The following NIPSNAP3B variants were observed in gnomAD, a reference collection of about 807,000 sequenced individuals.
NIPSNAP3B encodes the protein nipsnap homolog 3B.
In NIPSNAP3B, 30 loss-of-function variants were observed where a neutral mutation model predicts 31.5. That is an observed-to-expected ratio of 0.95 (90% confidence interval 0.71 to 1.29). The LOEUF (loss-of-function observed/expected upper bound fraction) is 1.29, where lower values mean the gene tolerates loss of function less well. NIPSNAP3B is among the 50% of genes most tolerant of loss of function. The pLI is 0.00. For missense variants in NIPSNAP3B, 269 were observed against 300.7 expected, an observed-to-expected ratio of 0.89 and a Z score of 0.78; for synonymous variants, 106 against 107.9, an observed-to-expected ratio of 0.98 and a Z score of 0.11.
rs1232014975 is a variant in NIPSNAP3B at position 104,776,270 on chromosome 9, A to G, written c.*3197A>G. On this transcript the variant is annotated 3_prime_UTR_variant, in exon 6 of 6. Transcript: ENST00000374762. ...CTGGAATGCTCTTCCCCAGACATGC[A>G]TCTGCGTGGATCATTTCCATGCCTC... Among the ~76,000 whole-genome samples, 14 of 152,160 alleles carry G rather than the reference A, an allele frequency of 9.2e-5. No individual in the cohort carries two copies. Among genetic ancestry groups the G allele is most frequent in the Admixed American group, 8.5e-4 (13 of 15,280 alleles).
intron 1 of NIPSNAP3B, among the ~76,000 whole-genome samples, chr9:104,765,405 G>A (rs1341729973): frequency 3.3e-5 from 5 of 152,166 alleles, no homozygotes; most frequent in South Asian, 2.1e-4. Context: ...GTGTATACAC[G>A]TGTGTTTACA....
the NIPSNAP3B span, among the ~76,000 whole-genome samples, chr9:104,790,397 G>A: frequency 6.6e-6 from 1 of 152,232 alleles, no homozygotes; most frequent in African/African-American, 2.4e-5. Context: ...TAAATTATAG[G>A]TACATGTACA....
At chr9:104,779,507 G>C (rs958245185), downstream of NIPSNAP3B, among the ~76,000 whole-genome samples, 1 of 152,058 alleles carries the variant, frequency 6.6e-6, no homozygotes, top group African/African-American at 2.4e-5. Flanking sequence ...CTTATCCACT[G>C]AGCTGTAATT....
chr9:104,771,788 T>C (rs1251084236), intron 4 of NIPSNAP3B, among the ~76,000 whole-genome samples: 1 of 152,196 alleles, frequency 6.6e-6, no homozygotes, highest in African/African-American at 2.4e-5. Context: ...CTTTTAGCTC[T>C]TTGAGGAATC....
At chr9:104,778,355 C>G (rs1339051993), downstream of NIPSNAP3B, among the ~76,000 whole-genome samples, 4 of 152,074 alleles carry the variant, frequency 2.6e-5, no homozygotes, top group Non-Finnish European at 5.9e-5. Flanking sequence ...CTCAGCCTCC[C>G]AAGTAGCTTG....
chr9:104,766,121 C>G (rs1828085210), intron 1 of NIPSNAP3B, among the ~76,000 whole-genome samples: 1 of 152,170 alleles, frequency 6.6e-6, no homozygotes, highest in South Asian at 2.1e-4. Flanking sequence ...TGCTAGGAAA[C>G]AGTTGCTATA....
chr9:104,786,453 C>G, the NIPSNAP3B span: 3 of 1,392,812 alleles, frequency 2.2e-6, no homozygotes, highest in Non-Finnish European at 3.1e-6. Context: ...GAGAACATCA[C>G]CATGACTTCC....
At chr9:104,779,677 T>C (rs1173636429), downstream of NIPSNAP3B, among the ~76,000 whole-genome samples, 1 of 152,154 alleles carries the variant, frequency 6.6e-6, no homozygotes, top group East Asian at 1.9e-4. Flanking sequence ...GCCAAGTTTT[T>C]TGAATCTGGA....
At position 104,764,263 on chromosome 9, in the gene NIPSNAP3B, T is replaced by C; in HGVS notation, c.23T>C (p.Leu8Pro). The C allele has an allele frequency of 6.2e-7, 1 of 1,600,102 alleles. No individual in the cohort carries two copies. Among genetic ancestry groups the C allele is most frequent in the Non-Finnish European group, 8.5e-7 (1 of 1,175,286 alleles). Reference protein sequence around the residue: MLVLRSGLTKALASRTLA... With the variant: MLVLRSGPTKALASRTLA... ...GCCATGCTCGTTCTCAGAAGCGGCCTGACCAAGGCGCTTGCCTCACGGACG... is the reference window on the plus strand; with the variant it reads ...GCCATGCTCGTTCTCAGAAGCGGCCCGACCAAGGCGCTTGCCTCACGGACG... Residue 8 changes from leucine (L) to proline (P), a missense_variant, in exon 1 of 6, where the codon CTG becomes CCG. Leu to Pro is a moderately conservative substitution (Grantham distance 98). Transcript: ENST00000374762.
chr9:104,772,720 T>C, intron 4 of NIPSNAP3B, 102 bp from the exon 5 acceptor site: 1 of 1,380,554 alleles, frequency 7.2e-7, no homozygotes, highest in Non-Finnish European at 1.0e-6. Context: ...ACCTTTTGAT[T>C]TTGATTTAAA....
chr9:104,764,366 G>C lies in NIPSNAP3B; in HGVS notation c.60+66G>C, dbSNP rs572911098. ...GAGGGGAGGGGCGGGGGGTATTTCT[G>C]AAGCGTGCGAGCCACGCTCAGGCGC... On this transcript the variant is annotated intron_variant, in intron 1 of 5. Transcript: ENST00000374762. The C allele has an allele frequency of 1.1e-3, 1,495 of 1,369,134 alleles. 14 individuals carry two copies. The African/African-American group carries it at 0.02, about 18-fold the overall frequency. 84.8% of individuals were successfully genotyped at this position (1,369,134 alleles called of 1,614,324 possible).
chr9:104,784,492 C>G, the NIPSNAP3B span: 27 of 1,612,984 alleles, frequency 1.7e-5, no homozygotes, highest in African/African-American at 2.7e-5. Context: ...ATAAATACCA[C>G]TCAACTTGCT....
chr9:104,784,031 T>A, the NIPSNAP3B span: 1 of 372,540 alleles, frequency 2.7e-6, no homozygotes, highest in Non-Finnish European at 4.9e-6. Flanking sequence ...AACCCATATG[T>A]CCATTGGGTT....
chr9:104,765,099 G>A (rs923301240), intron 1 of NIPSNAP3B, among the ~76,000 whole-genome samples: 5 of 152,182 alleles, frequency 3.3e-5, no homozygotes, highest in African/African-American at 1.2e-4. Flanking sequence ...AGAAAGGATA[G>A]TTGCAGGTAT....
At chr9:104,766,300 T>G in intron 1 of NIPSNAP3B, 25 bp from the exon 2 acceptor site, 1 of 1,594,182 alleles carries the variant, frequency 6.3e-7, no homozygotes, top group Non-Finnish European at 8.6e-7. Context: ...TCCCAAGATA[T>G]TTACATTTGT....
At chr9:104,770,791 C>G (rs1828197699) in intron 3 of NIPSNAP3B, 58 bp from the exon 4 acceptor site, 2 of 1,521,698 alleles carry the variant, frequency 1.3e-6, no homozygotes, top group Admixed American at 1.7e-5. Flanking sequence ...TCAGGAAAAC[C>G]TGGTTAGAAA....
the NIPSNAP3B span, chr9:104,785,600 C>A: frequency 6.2e-7 from 1 of 1,614,052 alleles, no homozygotes; most frequent in East Asian, 2.2e-5. Flanking sequence ...CCGGGTTGGA[C>A]CCTGCTATTC....
chr9:104,784,602 G>C, the NIPSNAP3B span: 1 of 986,870 alleles, frequency 1.0e-6, no homozygotes, highest in Non-Finnish European at 1.5e-6. Flanking sequence ...TGTGTGTGAA[G>C]GAGGGAAGAA....
chr9:104,770,782 C>T, intron 3 of NIPSNAP3B, 67 bp from the exon 4 acceptor site: 2 of 1,443,738 alleles, frequency 1.4e-6, no homozygotes, highest in South Asian at 1.2e-5. Context: ...CTAATGAAAT[C>T]AGGAAAACCT....
Sources: allele counts gnomAD v4.1 joint callset (sites outside exome capture counted in the v4.1 genomes callset), GRCh38; gene constraint gnomAD v4.1.1; transcripts MANE v1.5; gene names NCBI Gene and HGNC (gene_info 2026-07-23, HGNC 2026-07-21).